CEP63: variants seen among roughly 807,000 people sequenced by gnomAD.
The protein encoded by CEP63 is centrosomal protein 63.
In CEP63, 84 loss-of-function variants were observed where a neutral mutation model predicts 89.1. That is an observed-to-expected ratio of 0.94 (90% CI 0.79 to 1.13). The LOEUF is 1.13. CEP63 is among the 50% of genes most tolerant of loss of function. The pLI is 0.00. For missense variants in CEP63, 838 were observed against 813.3 expected (o/e 1.03, Z -0.37); for synonymous variants, 267 against 272.5 (o/e 0.98, Z 0.20).
At chr3:134,603,861 G>T in the CEP63 span, 2 of 1,614,040 alleles carry the variant, frequency 1.2e-6, no homozygotes, top group East Asian at 4.5e-5. Context: ...AGCTCTCAGG[G>T]AACATGGGCC....
chr3:134,576,787 G>T (rs1296427113), downstream of CEP63, among the ~76,000 whole-genome samples: 1 of 152,168 alleles, frequency 6.6e-6, no homozygotes, highest in Non-Finnish European at 1.5e-5. Flanking sequence ...TGGCCTCGGG[G>T]TCTGGGAGAC....
chr3:134,641,479 C>T, the CEP63 span, among the ~76,000 whole-genome samples: 2 of 152,082 alleles, frequency 1.3e-5, no homozygotes, highest in Non-Finnish European at 2.9e-5. Flanking sequence ...TGGAGTGAGG[C>T]AGCCACAAGC....
At chr3:134,600,519 G>A in the CEP63 span, among the ~76,000 whole-genome samples, 1 of 152,206 alleles carries the variant, frequency 6.6e-6, no homozygotes, top group African/African-American at 2.4e-5. Context: ...ATGGAGTCCA[G>A]CTGAGCTATG....
intron 1 of CEP63, among the ~76,000 whole-genome samples, chr3:134,493,306 G>C (rs1576708521): frequency 6.6e-6 from 1 of 151,620 alleles, no homozygotes; most frequent in Non-Finnish European, 1.5e-5. Flanking sequence ...ACAAGTCCGA[G>C]AATATAAAGC....
the CEP63 span, among the ~76,000 whole-genome samples, chr3:134,754,893 G>A: frequency 6.6e-6 from 1 of 152,114 alleles, no homozygotes; most frequent in African/African-American, 2.4e-5. Flanking sequence ...CAGACCTCCA[G>A]AGGGCTAGGA....
the CEP63 span, chr3:134,603,566 C>A: frequency 6.4e-7 from 1 of 1,557,220 alleles, no homozygotes; most frequent in Non-Finnish European, 8.7e-7. Context: ...AGGGTAAGAC[C>A]GGGGCACAGC....
At chr3:134,584,942 C>T (rs1385977638) in intron 10 of CEP63, among the ~76,000 whole-genome samples, 4 of 59,828 alleles carry the variant, frequency 6.7e-5, no homozygotes, top group South Asian at 6.3e-4. Context: ...TCCATTTCTT[C>T]TAGATTTTCT....
the CEP63 span, among the ~76,000 whole-genome samples, chr3:134,705,973 G>T: frequency 1.3e-5 from 2 of 152,160 alleles, no homozygotes; most frequent in Non-Finnish European, 1.5e-5. Context: ...ATTTGAACTG[G>T]AAAAACCAGA....
At chr3:134,521,972 A>T (rs1208004132) in intron 3 of CEP63, among the ~76,000 whole-genome samples, 4 of 152,094 alleles carry the variant, frequency 2.6e-5, no homozygotes, top group Non-Finnish European at 5.9e-5. Context: ...TTTCAGCTGG[A>T]CTTGGGGGAG....
chr3:134,677,782 AG>A, the CEP63 span, among the ~76,000 whole-genome samples: 2 of 151,910 alleles, frequency 1.3e-5, no homozygotes, highest in Non-Finnish European at 2.9e-5. Flanking sequence ...CTTGTTTGGA[AG>A]CACCCCCATG....
At chr3:134,677,791 A>C in the CEP63 span, among the ~76,000 whole-genome samples, 2 of 151,770 alleles carry the variant, frequency 1.3e-5, no homozygotes, top group Non-Finnish European at 2.9e-5. Context: ...AAGCACCCCC[A>C]TGGACGCAGT....
chr3:134,551,556 G>A (rs538516581), intron 11 of CEP63, among the ~76,000 whole-genome samples: 1 of 152,114 alleles, frequency 6.6e-6, no homozygotes, highest in South Asian at 2.1e-4. Flanking sequence ...GTTGCAGGTA[G>A]AAGCCAAATT....
chr3:134,505,497 T>C (rs1236498011), intron 2 of CEP63, among the ~76,000 whole-genome samples: 4 of 152,174 alleles, frequency 2.6e-5, no homozygotes, highest in Admixed American at 6.5e-5. Context: ...TACCAGACAG[T>C]GATGCCAGTG....
the CEP63 span, among the ~76,000 whole-genome samples, chr3:134,645,963 A>G: frequency 1.3e-5 from 2 of 152,244 alleles, no homozygotes; most frequent in African/African-American, 4.8e-5. Context: ...ATGTAATAAC[A>G]TGCCTGAGAA....
the CEP63 span, among the ~76,000 whole-genome samples, chr3:134,726,459 G>T: frequency 1.1e-4 from 5 of 47,036 alleles, no homozygotes; most frequent in African/African-American, 2.8e-4. Flanking sequence ...CACACAGACA[G>T]ACACACACAC....
chr3:134,652,843 T>C, the CEP63 span, among the ~76,000 whole-genome samples: 1 of 152,196 alleles, frequency 6.6e-6, no homozygotes, highest in Non-Finnish European at 1.5e-5. Flanking sequence ...TCAGGTTGTC[T>C]GAAGTGCTGA....
chr3:134,531,961 A>C, intron 4 of CEP63, 21 bp downstream of exon 4: 1 of 1,539,348 alleles, frequency 6.5e-7, no homozygotes, highest in Non-Finnish European at 9.0e-7. Context: ...AGTTTTGTTA[A>C]ATGTTGTGTG....
chr3:134,621,568 A>G, the CEP63 span, among the ~76,000 whole-genome samples: 4 of 152,206 alleles, frequency 2.6e-5, no homozygotes, highest in East Asian at 3.8e-4. Context: ...AAACAACTCA[A>G]AATGGATCAG....
chr3:134,579,742 A>G (rs1316568715), downstream of CEP63, among the ~76,000 whole-genome samples: 1 of 152,246 alleles, frequency 6.6e-6, no homozygotes, highest in Non-Finnish European at 1.5e-5. Flanking sequence ...GTTGATATAA[A>G]GACATCATTC....
Sources: allele counts gnomAD v4.1 joint callset (sites outside exome capture counted in the v4.1 genomes callset), GRCh38; gene constraint gnomAD v4.1.1; transcripts MANE v1.5; gene names NCBI Gene and HGNC (gene_info 2026-07-23, HGNC 2026-07-21).